Variants in EHHADH observed in about 807,000 individuals in gnomAD.
EHHADH encodes the protein enoyl-CoA hydratase and 3-hydroxyacyl CoA dehydrogenase, also known as peroxisomal bifunctional enzyme.
Under a neutral mutation model 64.4 loss-of-function variants are expected in EHHADH, and 48 were observed. The ratio of observed to expected loss-of-function variants is 0.75; its 90% CI spans 0.59 to 0.95. The LOEUF is 0.95. EHHADH is among the 40% of genes least tolerant of loss of function. The probability of loss-of-function intolerance (pLI) is 0.00; values close to 1 mark genes in which losing one functional copy is unlikely to be tolerated. For missense variants in EHHADH, 854 were observed against 876.6 expected (o/e 0.97, Z 0.33); for synonymous variants, 308 against 326.7 (o/e 0.94, Z 0.62).
intron 6 of EHHADH, among the ~76,000 whole-genome samples, chr3:185,195,698 C>T (rs1436879282): frequency 1.3e-5 from 2 of 152,182 alleles, no homozygotes; most frequent in Admixed American, 1.3e-4. Flanking sequence ...ATACTGCATG[C>T]TCTCACTTAT....
At chr3:185,208,474 G>A (rs1718455460) in intron 5 of EHHADH, among the ~76,000 whole-genome samples, 2 of 152,162 alleles carry the variant, frequency 1.3e-5, no homozygotes, top group Non-Finnish European at 2.9e-5. Flanking sequence ...GGGGTCATTT[G>A]TTATGCAGTT....
chr3:185,229,160 A>C (rs1560017277), intron 4 of EHHADH, among the ~76,000 whole-genome samples: 1 of 152,346 alleles, frequency 6.6e-6, no homozygotes, highest in East Asian at 1.9e-4. Context: ...GTGTTGATGA[A>C]TAGTCACTTG....
At chr3:185,232,749 A>G (rs932870285) in intron 3 of EHHADH, among the ~76,000 whole-genome samples, 10 of 152,224 alleles carry the variant, frequency 6.6e-5, no homozygotes, top group Non-Finnish European at 1.2e-4. Flanking sequence ...TTCTTGGCCT[A>G]TAATGATATT....
rs771298971 is a variant in EHHADH, at chr3:185,248,426, T to G, written c.166A>C (p.Lys56Gln). The G allele has an allele frequency of 6.2e-7, 1 of 1,613,484 alleles. No homozygotes were observed. The highest frequency in any genetic ancestry group is 1.1e-5 in the South Asian group (1 of 91,058). The change falls in exon 2 of 7, where the codon AAA becomes CAA. Residue 56 changes from lysine (K) to glutamine (Q), a missense_variant. Coordinates refer to ENST00000231887, the MANE Select transcript of EHHADH (RefSeq NM_001966.4). ...AGACTTGAGTTACCTGCAGAAAATT[T>G]GCCCTCTGCTCCACAAATCACAATG... The part of the protein sequence containing the change: ...KAIVICGAEG[K>Q]FSAGADIRGF...
intron 2 of EHHADH, among the ~76,000 whole-genome samples, chr3:185,237,440 T>C (rs1719326543): frequency 6.6e-6 from 1 of 152,232 alleles, no homozygotes; most frequent in South Asian, 2.1e-4. Context: ...GTCTTGTTCC[T>C]TTCTCATAAG....
intron 4 of EHHADH, among the ~76,000 whole-genome samples, chr3:185,228,250 A>AT (rs2108643422): frequency 1.5e-5 from 1 of 67,626 alleles, no homozygotes; most frequent in African/African-American, 3.7e-5. Context: ...AAAAAAAAAA[A>AT]AAAAAAAATA....
At chr3:185,248,737 GATTAA>G (rs1204537424) in intron 1 of EHHADH, among the ~76,000 whole-genome samples, 2 of 152,130 alleles carry the variant, frequency 1.3e-5, no homozygotes, top group Non-Finnish European at 2.9e-5. Context: ...GCACTGACCA[GATTAA>G]ATTAATCCAC....
chr3:185,214,813 A>T (rs1429811952), intron 5 of EHHADH, among the ~76,000 whole-genome samples: 1 of 152,228 alleles, frequency 6.6e-6, no homozygotes, highest in African/African-American at 2.4e-5. Flanking sequence ...AATTTCCCAG[A>T]ACTAAATATT....
In EHHADH at chr3:185,216,856, C is replaced by G. The variant is rs905137639; in HGVS notation, c.568+1280G>C. Among the ~76,000 whole-genome samples the G allele has an allele frequency of 1.3e-5, 2 of 152,106 alleles. No homozygotes were observed. The highest frequency in any genetic ancestry group is 6.6e-5 in the Admixed American group (1 of 15,260). ...TTATTTTTTTCTGGCTATTTTTACC[C>G]TCTCCATCTTGCTCATTTAAAGATG... On this transcript the variant is annotated intron_variant, in intron 5 of 6. Coordinates refer to ENST00000231887, the MANE Select transcript of EHHADH (RefSeq NM_001966.4). The surrounding 1 kb of genome is among the most constrained non-coding windows in gnomAD (Gnocchi z 5.3).
At chr3:185,203,961 G>A (rs1325760393) in intron 6 of EHHADH, among the ~76,000 whole-genome samples, 3 of 151,772 alleles carry the variant, frequency 2.0e-5, no homozygotes, top group Non-Finnish European at 4.4e-5. Context: ...CCAACATGGC[G>A]AAGCCCTGTC....
At chr3:185,249,602 G>A (rs2108653577) in intron 1 of EHHADH, among the ~76,000 whole-genome samples, 1 of 152,310 alleles carries the variant, frequency 6.6e-6, no homozygotes, top group Middle Eastern at 3.4e-3. Context: ...CTGCACTCAT[G>A]CCTCTCTCCT....
chr3:185,209,886 T>A (rs1415683372), intron 5 of EHHADH, among the ~76,000 whole-genome samples: 2 of 152,194 alleles, frequency 1.3e-5, no homozygotes, highest in Non-Finnish European at 2.9e-5. Flanking sequence ...TGAAAAAACA[T>A]GAACCGTATC....
At chr3:185,228,202 T>G (rs1414917577) in intron 4 of EHHADH, among the ~76,000 whole-genome samples, 1 of 118,608 alleles carries the variant, frequency 8.4e-6, no homozygotes, top group African/African-American at 3.3e-5. Context: ...TCCACTGCAT[T>G]CCAGCCTGGC....
At chr3:185,206,961 C>T (rs1415016769) in intron 5 of EHHADH, among the ~76,000 whole-genome samples, 3 of 151,600 alleles carry the variant, frequency 2.0e-5, no homozygotes, top group Non-Finnish European at 4.4e-5. Flanking sequence ...TGTATAACCT[C>T]ACATGGTAAA....
chr3:185,199,535 T>C (rs1422018273), intron 6 of EHHADH, among the ~76,000 whole-genome samples: 1 of 152,226 alleles, frequency 6.6e-6, no homozygotes, highest in Non-Finnish European at 1.5e-5. Flanking sequence ...CTGTGGCCTG[T>C]AGGCCAAACC....
chr3:185,246,896 G>A (rs892781230), intron 2 of EHHADH, among the ~76,000 whole-genome samples: 5 of 151,860 alleles, frequency 3.3e-5, no homozygotes, highest in Admixed American at 1.3e-4. Context: ...TTTCTGATAA[G>A]TTTTACTTTA....
At chr3:185,194,526 C>T (rs1418305017) in intron 6 of EHHADH, among the ~76,000 whole-genome samples, 1 of 151,948 alleles carries the variant, frequency 6.6e-6, no homozygotes, top group Admixed American at 6.6e-5. Context: ...GCAGGAGAAT[C>T]ACTTGAACCC....
chr3:185,246,934 T>A (rs1483854354), intron 2 of EHHADH, among the ~76,000 whole-genome samples: 2 of 152,170 alleles, frequency 1.3e-5, no homozygotes, highest in East Asian at 3.8e-4. Flanking sequence ...TTATATTATG[T>A]TTTCATTGCC....
intron 6 of EHHADH, among the ~76,000 whole-genome samples, chr3:185,203,454 A>C (rs1355198): frequency 6.5e-4 from 99 of 152,340 alleles, no homozygotes; most frequent in African/African-American, 2.2e-3. Flanking sequence ...GATTGTACCT[A>C]AGCTGGTGCA....
Sources: gnomAD v4.1 joint callset for allele counts (sites outside exome capture counted in the v4.1 genomes callset) on GRCh38, gnomAD v4.1.1 for gene constraint, Gnocchi (gnomAD v3.1) non-coding constraint, MANE v1.5 for transcripts, NCBI Gene and HGNC (gene_info 2026-07-23, HGNC 2026-07-21) for gene names.